The following COL14A1 variants were observed in gnomAD, a reference collection of about 807,000 sequenced individuals.
COL14A1 encodes collagen alpha-1(XIV) chain.
A neutral mutation model predicts 230.3 loss-of-function variants in COL14A1; 136 were observed. That is an observed-to-expected ratio of 0.59 (90% CI 0.51 to 0.68). The LOEUF (loss-of-function observed/expected upper bound fraction) is 0.68. Ranked by LOEUF, COL14A1 falls within the 30% of genes least tolerant of loss-of-function variation. COL14A1 has a pLI of 0.00. For synonymous variants in COL14A1, 792 were observed against 784.1 expected, an observed-to-expected ratio of 1.01 and a Z score of -0.17; for missense variants, 1,976 against 2,215.8, an observed-to-expected ratio of 0.89 and a Z score of 2.17.
At chr8:120,133,020 A>T (rs1281994106) in intron 1 of COL14A1, among the ~76,000 whole-genome samples, 1 of 152,158 alleles carries the variant, frequency 6.6e-6, no homozygotes, top group Non-Finnish European at 1.5e-5. Context: ...GATCGAGACC[A>T]TCCTGGCTAA....
rs765217458 is a variant in COL14A1, at chr8:120,147,915, A to C, written c.73A>C (p.Ile25Leu). Residue 25 changes from isoleucine to leucine, a missense_variant, in exon 2 of 48, where the codon ATT becomes CTT. Transcript: ENST00000297848. ...TTTGGCAATTGTTTATTTCTGCACC[A>C]TTGTCCAAGGTCAAGGTAATTGAAA... ...PFLAIVYFCT[I>L]VQGQVAPPTR... The C allele has an allele frequency of 9.3e-6, 15 of 1,613,280 alleles. 1 individual carries two copies. The South Asian group carries it at 1.5e-4, about 17-fold the overall frequency.
chr8:120,191,461 C>G (rs1163814810), intron 5 of COL14A1, among the ~76,000 whole-genome samples: 1 of 150,754 alleles, frequency 6.6e-6, no homozygotes, highest in East Asian at 1.9e-4. Context: ...AGCTTTACTT[C>G]CAACTATGTG....
At chr8:120,126,414 C>G (rs1258035095) in intron 1 of COL14A1, among the ~76,000 whole-genome samples, 3 of 152,140 alleles carry the variant, frequency 2.0e-5, no homozygotes, top group Admixed American at 2.0e-4. Flanking sequence ...CTCACATGGG[C>G]CAGGATTTCC....
chr8:120,234,762 G>T (rs1818385658), intron 19 of COL14A1, among the ~76,000 whole-genome samples: 1 of 152,158 alleles, frequency 6.6e-6, no homozygotes, highest in Non-Finnish European at 1.5e-5. Flanking sequence ...CAGGGTATTG[G>T]CCTGAAATGT....
chr8:120,179,237 G>T (rs1462100020), intron 5 of COL14A1, among the ~76,000 whole-genome samples: 1 of 152,168 alleles, frequency 6.6e-6, no homozygotes, highest in Non-Finnish European at 1.5e-5. Context: ...TAGGAAAAGA[G>T]GAAGTCAAAT....
At chr8:120,205,160 G>C (rs150854244) in intron 9 of COL14A1, among the ~76,000 whole-genome samples, 1 of 151,998 alleles carries the variant, frequency 6.6e-6, no homozygotes, top group African/African-American at 2.4e-5. Flanking sequence ...TGTTTAAAAC[G>C]TTTCAGTCTT....
intron 19 of COL14A1, among the ~76,000 whole-genome samples, chr8:120,236,383 C>A (rs1177968841): frequency 6.6e-6 from 1 of 151,380 alleles, no homozygotes; most frequent in Non-Finnish European, 1.5e-5. Flanking sequence ...CCTTCTTTGT[C>A]TTTTTTGATC....
At chr8:120,301,703 C>A (rs1030053577) in intron 36 of COL14A1, among the ~76,000 whole-genome samples, 2 of 152,002 alleles carry the variant, frequency 1.3e-5, no homozygotes, top group Non-Finnish European at 2.9e-5. Flanking sequence ...GGTTTATATT[C>A]CTTTGGGTAT....
intron 1 of COL14A1, among the ~76,000 whole-genome samples, chr8:120,134,138 T>G (rs1814634803): frequency 6.6e-6 from 1 of 152,036 alleles, no homozygotes; most frequent in Admixed American, 6.5e-5. Flanking sequence ...TTTTTTGATG[T>G]AAAGATGGAC....
intron 35 of COL14A1, among the ~76,000 whole-genome samples, chr8:120,297,854 T>C (rs550164430): frequency 6.6e-6 from 1 of 152,060 alleles, no homozygotes; most frequent in East Asian, 1.9e-4. Context: ...AAGCCCTTAG[T>C]GTCTCAAGCT....
At position 120,357,949 on chromosome 8, in the gene COL14A1, A is replaced by G. The variant is rs934974677; in HGVS notation, c.5078-9222A>G. ...CCTGTTTCTGAAATTAGTCATAATT[A>G]GAACAAAATCCATTTTCAAACCAAA... On this transcript the variant is annotated intron_variant, in intron 45 of 47. Transcript: ENST00000297848. 7.2e-5 allele frequency among the ~76,000 whole-genome samples: 11 copies of G among 152,232 alleles called. 1 individual carries two copies. Among genetic ancestry groups the G allele is most frequent in the Admixed American group, 7.2e-4 (11 of 15,288 alleles).
At chr8:120,292,268 T>A (rs1820397029) in intron 34 of COL14A1, among the ~76,000 whole-genome samples, 1 of 152,186 alleles carries the variant, frequency 6.6e-6, no homozygotes, top group African/African-American at 2.4e-5. Context: ...GATCAATCTT[T>A]ACTTTTGGCC....
intron 5 of COL14A1, among the ~76,000 whole-genome samples, chr8:120,183,508 C>A (rs988786507): frequency 6.6e-6 from 1 of 152,180 alleles, no homozygotes; most frequent in East Asian, 1.9e-4. Context: ...TTTACACACT[C>A]CTTCTGGGCA....
intron 36 of COL14A1, among the ~76,000 whole-genome samples, chr8:120,306,355 T>C (rs1186854104): frequency 6.6e-6 from 1 of 152,082 alleles, no homozygotes; most frequent in African/African-American, 2.4e-5. Flanking sequence ...GAGCTTTGAA[T>C]TGGAGGGGGA....
intron 5 of COL14A1, among the ~76,000 whole-genome samples, chr8:120,195,667 A>C (rs187690511): frequency 6.6e-6 from 1 of 152,324 alleles, no homozygotes; most frequent in East Asian, 1.9e-4. Context: ...GTGGCAGGCA[A>C]GAGCACGTGT....
chr8:120,285,222 G>A (rs1294694462), intron 32 of COL14A1, among the ~76,000 whole-genome samples: 1 of 151,848 alleles, frequency 6.6e-6, no homozygotes, highest in Non-Finnish European at 1.5e-5. Context: ...GGGATGCTGA[G>A]GTGGGCAGAT....
At position 120,218,271 on chromosome 8, in the gene COL14A1, T is replaced by A. The variant is rs575739661; in HGVS notation, c.1737+1781T>A. ...ATATAAGTATATGTCTATATATATA[T>A]AATATATAAATAGATATATAATATA... On this transcript the variant is annotated intron_variant, in intron 14 of 47. Transcript: ENST00000297848. Among the ~76,000 whole-genome samples the A allele has an allele frequency of 5.9e-5, 8 of 134,454 alleles. No individual in the cohort carries two copies. In the East Asian group the frequency reaches 1.0e-3, roughly 17 times the overall value. 88.2% of individuals were successfully genotyped at this position (134,454 alleles called of 152,430 possible). A position where few individuals can be genotyped will look rare whatever the true frequency, so the allele number is the denominator to read the frequency against.
rs542422968 is a variant in COL14A1, at chr8:120,217,333, T to A, written c.1737+843T>A. ...ACCCATGAAGATACAGTATCTTGCATGCAGTGACTAATACTTTCAAAAAAG... is the reference window on the plus strand; with the variant it reads ...ACCCATGAAGATACAGTATCTTGCAAGCAGTGACTAATACTTTCAAAAAAG... On this transcript the variant is annotated intron_variant, in intron 14 of 47. Coordinates refer to ENST00000297848, the MANE Select transcript of COL14A1 (RefSeq NM_021110.4). 1.4e-4 allele frequency among the ~76,000 whole-genome samples: 21 copies of A among 152,346 alleles called. No homozygotes were observed. In the South Asian group the frequency reaches 4.4e-3, roughly 32 times the overall value.
At chr8:120,322,287 C>T (rs1375387090) in intron 40 of COL14A1, among the ~76,000 whole-genome samples, 3 of 152,076 alleles carry the variant, frequency 2.0e-5, no homozygotes, top group East Asian at 1.9e-4. Context: ...ATTGATACCT[C>T]GGTGACAGGT....
Sources: gnomAD v4.1 joint callset for allele counts (sites outside exome capture counted in the v4.1 genomes callset) on GRCh38, gnomAD v4.1.1 for gene constraint, MANE v1.5 for transcripts, NCBI Gene and HGNC (gene_info 2026-07-23, HGNC 2026-07-21) for gene names.